The following DACH1 variants were observed in gnomAD, a reference collection of about 807,000 sequenced individuals.
DACH1 encodes dachshund homolog 1.
A neutral mutation model predicts 54.2 loss-of-function variants in DACH1; 12 were observed. The observed-to-expected ratio is 0.22, with a 90% confidence interval of 0.14 to 0.36. The LOEUF is 0.36. Ranked by LOEUF, DACH1 falls within the 10% of genes least tolerant of loss-of-function variation. The pLI is 1.00. For synonymous variants in DACH1, 386 were observed against 366.2 expected (o/e 1.05, Z -0.62); for missense variants, 805 against 929.8 (o/e 0.87, Z 1.75).
At chr13:71,704,263 C>G (rs1882314174) in intron 1 of DACH1, 1 of 256,250 alleles carries the variant, frequency 3.9e-6, no homozygotes, top group Non-Finnish European at 7.7e-6. Flanking sequence ...GATCCTTTGG[C>G]CACGAATATG....
At chr13:71,820,406 A>G (rs942749799) in intron 1 of DACH1, among the ~76,000 whole-genome samples, 1 of 152,138 alleles carries the variant, frequency 6.6e-6, no homozygotes, top group Admixed American at 6.5e-5. Context: ...GACTTTTCCA[A>G]TTTCCAAAGA....
rs1173062633 is a variant in DACH1 at position 71,523,783 on chromosome 13, T to A, written c.1570+33241A>T. On this transcript the variant is annotated intron_variant, in intron 6 of 10. Coordinates refer to ENST00000613252, the MANE Select transcript of DACH1 (RefSeq NM_080759.6). ...CTGAATTGAGTGTAAATTTAATTTT[T>A]AAAAATTAATTTCATAAATTCTCGA... Among the ~76,000 whole-genome samples, 5 of 152,166 alleles carry A rather than the reference T, an allele frequency of 3.3e-5. No individual in the cohort carries two copies. In the East Asian group the frequency reaches 9.6e-4, roughly 29 times the overall value.
rs958819887 is a variant in DACH1 at position 71,475,284 on chromosome 13, T to C, written c.2015-75A>G. 1.2e-5 allele frequency: 15 copies of C among 1,214,862 alleles called. No homozygotes were observed. In the African/African-American group the frequency reaches 1.4e-4, roughly 11 times the overall value. The allele number at this position is 1,214,862 out of a possible 1,614,324, so 75.3% of individuals were successfully genotyped here. On this transcript the variant is annotated intron_variant, in intron 9 of 10. Coordinates refer to ENST00000613252, the MANE Select transcript of DACH1 (RefSeq NM_080759.6). Reference sequence around the variant, plus strand: ...TGTCCTTTAAAAAAAAAGAGCAACCTGTTACTTTGGTGCTGAATTAAAATT... The same window carrying C: ...TGTCCTTTAAAAAAAAAGAGCAACCCGTTACTTTGGTGCTGAATTAAAATT...
At chr13:71,609,862 T>A (rs1023986369) in intron 3 of DACH1, among the ~76,000 whole-genome samples, 13 of 152,072 alleles carry the variant, frequency 8.5e-5, no homozygotes, top group African/African-American at 3.1e-4. Context: ...ATATAAAAAA[T>A]TTTATTATTA....
At chr13:71,639,987 CTT>C (rs1469134985) in intron 2 of DACH1, among the ~76,000 whole-genome samples, 1 of 151,952 alleles carries the variant, frequency 6.6e-6, no homozygotes, top group Non-Finnish European at 1.5e-5. Flanking sequence ...ATTAGAAAGA[CTT>C]TACCTAATGT....
intron 1 of DACH1, among the ~76,000 whole-genome samples, chr13:71,713,762 G>A (rs2138784688): frequency 6.6e-6 from 1 of 152,164 alleles, no homozygotes; most frequent in East Asian, 1.9e-4. Flanking sequence ...AATAAAAGGT[G>A]TATTAGATTT....
intron 8 of DACH1, among the ~76,000 whole-genome samples, chr13:71,476,186 T>C (rs1440353873): frequency 1.3e-5 from 2 of 152,190 alleles, no homozygotes; most frequent in Non-Finnish European, 2.9e-5. Context: ...GTGGCTTAGT[T>C]CTCTGTCCTT....
intron 1 of DACH1, among the ~76,000 whole-genome samples, chr13:71,690,244 T>C (rs981346113): frequency 6.6e-6 from 1 of 152,362 alleles, no homozygotes; most frequent in Non-Finnish European, 1.5e-5. Context: ...TAAAGAGATA[T>C]ACAATTTAAT....
At chr13:71,780,491 A>G (rs943674931) in intron 1 of DACH1, among the ~76,000 whole-genome samples, 2 of 152,086 alleles carry the variant, frequency 1.3e-5, no homozygotes, top group Non-Finnish European at 2.9e-5. Context: ...ACACGGTATG[A>G]AACAGAGGCT....
At chr13:71,779,626 G>A (rs1474003468) in intron 1 of DACH1, among the ~76,000 whole-genome samples, 1 of 152,032 alleles carries the variant, frequency 6.6e-6, no homozygotes, top group Non-Finnish European at 1.5e-5. Context: ...GGAAGCTCAA[G>A]TGGTAAAACA....
At chr13:71,572,190 C>T (rs889522806) in intron 4 of DACH1, among the ~76,000 whole-genome samples, 3 of 152,052 alleles carry the variant, frequency 2.0e-5, no homozygotes, top group Non-Finnish European at 2.9e-5. Context: ...GATTTAAGTA[C>T]ACATTTTAAA....
intron 4 of DACH1, among the ~76,000 whole-genome samples, chr13:71,565,639 A>C (rs1884852747): frequency 1.3e-5 from 2 of 152,144 alleles, no homozygotes; most frequent in Non-Finnish European, 2.9e-5. Context: ...TCAAGATTCC[A>C]TAGCTGAGGA....
intron 1 of DACH1, among the ~76,000 whole-genome samples, chr13:71,838,384 G>A (rs1445206224): frequency 2.0e-5 from 3 of 152,014 alleles, no homozygotes; most frequent in African/African-American, 7.2e-5. Context: ...TTTGTACATT[G>A]GTTTTGATTA....
At chr13:71,809,012 T>A (rs371493933) in intron 1 of DACH1, among the ~76,000 whole-genome samples, 1 of 152,218 alleles carries the variant, frequency 6.6e-6, no homozygotes, top group Non-Finnish European at 1.5e-5. Context: ...TGAAGGATTC[T>A]CTAAAGCATA....
At position 71,439,743 on chromosome 13, in the gene DACH1, GACC is replaced by G. The variant is rs1873840611; in HGVS notation, c.*909_*911del. On this transcript the variant is annotated 3_prime_UTR_variant, in exon 11 of 11. Transcript: ENST00000613252. Reference sequence around the variant, plus strand: ...GTTAAAACCAGAAAGACATCTTTCTGACCAACAGGGTGACAAAACATATTTTCT... The same window carrying G: ...GTTAAAACCAGAAAGACATCTTTCTGAACAGGGTGACAAAACATATTTTCT... 6.6e-6 allele frequency: 1 copy of G among 152,226 alleles called. No individual in the cohort carries two copies. The highest frequency in any genetic ancestry group is 6.6e-5 in the Admixed American group (1 of 15,204). The allele number at this position is 152,226 out of a possible 1,614,324, so 9.4% of individuals were successfully genotyped here.
intron 7 of DACH1, among the ~76,000 whole-genome samples, chr13:71,482,427 A>G (rs1878119688): frequency 6.6e-6 from 1 of 152,228 alleles, no homozygotes; most frequent in African/African-American, 2.4e-5. Context: ...TCAGAATCAG[A>G]CAATATCTAA....
At chr13:71,452,368 C>A (rs1482843852) in intron 10 of DACH1, among the ~76,000 whole-genome samples, 1 of 152,018 alleles carries the variant, frequency 6.6e-6, no homozygotes, top group African/African-American at 2.4e-5. Context: ...ACTCATGCGA[C>A]CTGCCTGCCT....
At chr13:71,647,304 A>C (rs1453566778) in intron 2 of DACH1, among the ~76,000 whole-genome samples, 1 of 152,214 alleles carries the variant, frequency 6.6e-6, no homozygotes, top group Non-Finnish European at 1.5e-5. Context: ...TTAGTTTGAA[A>C]ACATACCAGT....
At chr13:71,839,907 T>G (rs1888949959) in intron 1 of DACH1, among the ~76,000 whole-genome samples, 1 of 152,128 alleles carries the variant, frequency 6.6e-6, no homozygotes, top group South Asian at 2.1e-4. Flanking sequence ...TTTTCTTTTA[T>G]GTTTTCCTCC....
Sources: gnomAD v4.1 joint callset for allele counts (sites outside exome capture counted in the v4.1 genomes callset) on GRCh38, gnomAD v4.1.1 for gene constraint, MANE v1.5 for transcripts, NCBI Gene and HGNC (gene_info 2026-07-23, HGNC 2026-07-21) for gene names.